ACACA: variants seen among roughly 807,000 people sequenced by gnomAD.
ACACA encodes the protein acetyl-CoA carboxylase 1.
In ACACA, 103 loss-of-function variants were observed where a neutral mutation model predicts 296.1. The ratio of observed to expected loss-of-function variants is 0.35; its 90% CI spans 0.30 to 0.41. The LOEUF is 0.41. Among genes scored for constraint, ACACA ranks in the 10% least tolerant of loss-of-function variants. The pLI is 1.00. For missense variants in ACACA, 1,554 were observed against 2,989.7 expected (o/e 0.52, Z 11.20); for synonymous variants, 953 against 1,038.6 (o/e 0.92, Z 1.58).
At position 37,098,002 on chromosome 17, in the gene ACACA, T is replaced by G; in HGVS notation, c.6566-18A>C. 1 of 1,614,174 alleles carries G rather than the reference T, an allele frequency of 6.2e-7. No homozygotes were observed. The highest frequency in any genetic ancestry group is 8.5e-7 in the Non-Finnish European group (1 of 1,180,020). On this transcript the variant is annotated intron_variant, in intron 52 of 55. Transcript: ENST00000616317. The stretch of plus-strand genomic sequence containing the variant: ...TGGGGTCCCTGCAATTAGATAAACA[T>G]GCCCGTCACACTCTGTAATGACCAG...
chr17:37,330,032 CT>C, intron 3 of ACACA, 140 bp downstream of exon 3: 3 of 1,055,700 alleles, frequency 2.8e-6, no homozygotes, highest in South Asian at 2.8e-5. Flanking sequence ...TCATTTCTGA[CT>C]TCCTCAACAA....
intron 3 of ACACA, among the ~76,000 whole-genome samples, chr17:37,304,997 G>C (rs2083804802): frequency 6.6e-6 from 1 of 152,018 alleles, no homozygotes; most frequent in South Asian, 2.1e-4. Flanking sequence ...TTTCCTTTAG[G>C]TCTTTGAACA....
At chr17:37,335,682 C>T (rs544577209) in intron 2 of ACACA, among the ~76,000 whole-genome samples, 2 of 152,094 alleles carry the variant, frequency 1.3e-5, no homozygotes, top group East Asian at 3.8e-4. Context: ...CTGGCATTGG[C>T]GGTATCACAA....
intron 1 of ACACA, among the ~76,000 whole-genome samples, chr17:37,363,275 C>A (rs2049484535): frequency 6.8e-6 from 1 of 147,784 alleles, no homozygotes; most frequent in Non-Finnish European, 1.5e-5. Flanking sequence ...CTCCACCTCC[C>A]GGGTTCAAGC....
At chr17:37,238,567 G>C (rs1041903905) in intron 24 of ACACA, among the ~76,000 whole-genome samples, 2 of 152,060 alleles carry the variant, frequency 1.3e-5, no homozygotes, top group African/African-American at 4.8e-5. Context: ...TGGTTATTGT[G>C]AGACTTGTCT....
intron 39 of ACACA, 145 bp from the exon 40 acceptor site, chr17:37,181,501 G>A (rs2077315195): frequency 2.5e-6 from 2 of 813,528 alleles, no homozygotes; most frequent in East Asian, 5.3e-5. Context: ...TTAACACTGG[G>A]TACTTGGTGC....
At position 37,179,353 on chromosome 17, in the gene ACACA, G is replaced by C; in HGVS notation, c.4986C>G (p.Pro1662=). The C allele has an allele frequency of 6.2e-7, 1 of 1,614,150 alleles. No individual in the cohort carries two copies. Among genetic ancestry groups the C allele is most frequent in the Non-Finnish European group, 8.5e-7 (1 of 1,180,016 alleles). ...SMSTQAFLPS[P]PLPSDMLTYT... is the part of the protein sequence containing the mutation. ...AAGTCAGCATGTCAGAAGGCAGAGG[G>C]GGAGATGGAAGAAATGCTTGAGTGG... The change falls in exon 41 of 56, where the codon CCC becomes CCG. Residue 1662 remains proline (P), a synonymous_variant. Coordinates refer to ENST00000616317, the MANE Select transcript of ACACA (RefSeq NM_198834.3).
At chr17:37,150,413 G>A (rs1394956571) in intron 44 of ACACA, among the ~76,000 whole-genome samples, 2 of 151,918 alleles carry the variant, frequency 1.3e-5, no homozygotes, top group South Asian at 2.1e-4. Flanking sequence ...GTCATGGCAC[G>A]TGCCTGTAAT....
At chr17:37,335,681 G>T (rs973657046) in intron 2 of ACACA, among the ~76,000 whole-genome samples, 2 of 152,006 alleles carry the variant, frequency 1.3e-5, no homozygotes, top group East Asian at 1.9e-4. Context: ...ACTGGCATTG[G>T]CGGTATCACA....
chr17:37,234,847 C>T (rs2080031662), intron 25 of ACACA, 128 bp downstream of exon 25: 4 of 1,073,926 alleles, frequency 3.7e-6, no homozygotes, highest in Non-Finnish European at 4.1e-6. Context: ...ATCCACAGCT[C>T]AAGCCCCATT....
rs902746004 is a variant in ACACA at position 37,363,179 on chromosome 17, C to CTTT, written c.39-23332_39-23330dup. 1.9e-3 allele frequency among the ~76,000 whole-genome samples: 136 copies of CTTT among 72,842 alleles called. 1 individual carries two copies. The highest frequency in any genetic ancestry group is 3.5e-3 in the African/African-American group (52 of 14,966). 47.8% of individuals were successfully genotyped at this position (72,842 alleles called of 152,430 possible). On this transcript the variant is annotated intron_variant, in intron 1 of 55. Coordinates refer to ENST00000616317, the MANE Select transcript of ACACA (RefSeq NM_198834.3). ...CTTTTTCTTTTCTCTTTCTCTTTTT[C>CTTT]TTTTTTTTTTTTTTTTTTTTTTTGA... is the stretch of plus-strand genomic sequence containing the variant.
At chr17:37,339,952 G>A in intron 1 of ACACA, 102 bp from the exon 2 acceptor site, 1 of 633,794 alleles carries the variant, frequency 1.6e-6, no homozygotes, top group Non-Finnish European at 2.8e-6. Flanking sequence ...AATATATGAA[G>A]TATCTATTTT....
At chr17:37,383,273 G>C (rs1005859170) in intron 1 of ACACA, among the ~76,000 whole-genome samples, 1 of 151,948 alleles carries the variant, frequency 6.6e-6, no homozygotes, top group Admixed American at 6.6e-5. Flanking sequence ...TTAGAAATTG[G>C]GACAAGGAAA....
At chr17:37,311,727 T>C (rs537050915) in intron 3 of ACACA, among the ~76,000 whole-genome samples, 44 of 151,630 alleles carry the variant, frequency 2.9e-4, no homozygotes, top group African/African-American at 9.7e-4. Context: ...TTCATATTAG[T>C]TGGGCATGGT....
intron 45 of ACACA, among the ~76,000 whole-genome samples, chr17:37,130,829 C>A (rs2075057108): frequency 6.6e-6 from 1 of 152,054 alleles, no homozygotes; most frequent in Non-Finnish European, 1.5e-5. Context: ...TATTTAGTGA[C>A]AAGTCTCAGT....
At chr17:37,250,930 G>A (rs1234421757) in intron 16 of ACACA, among the ~76,000 whole-genome samples, 1 of 152,110 alleles carries the variant, frequency 6.6e-6, no homozygotes, top group Non-Finnish European at 1.5e-5. Context: ...GAGAGGCTGA[G>A]GCAGGAGAAT....
chr17:37,188,273 G>C lies in ACACA; in HGVS notation c.4776+4C>G. On this transcript the variant is annotated splice_donor_region_variant and intron_variant, in intron 39 of 55. Coordinates refer to ENST00000616317, the MANE Select transcript of ACACA (RefSeq NM_198834.3). ...ACTCTGAGGAGCCTGTTTGAGTATT[G>C]TACCTGTGCTGTCCTGGAGTCAGTC... 6.2e-7 allele frequency: 1 copy of C among 1,613,566 alleles called. No homozygotes were observed. The highest frequency in any genetic ancestry group is 8.5e-7 in the Non-Finnish European group (1 of 1,179,692).
At chr17:37,322,319 C>A (rs2047393620) in intron 3 of ACACA, among the ~76,000 whole-genome samples, 1 of 152,122 alleles carries the variant, frequency 6.6e-6, no homozygotes, top group African/African-American at 2.4e-5. Flanking sequence ...ACAGATTGTT[C>A]TCAGATAAAG....
intron 1 of ACACA, among the ~76,000 whole-genome samples, chr17:37,390,175 T>TATACAC (rs60788220): frequency 0.036 from 1,595 of 44,142 alleles, 57 homozygotes; most frequent in Non-Finnish European, 0.046. Flanking sequence ...TATATATATA[T>TATACAC]ACACACACAC....
Sources: gnomAD v4.1 joint callset for allele counts (sites outside exome capture counted in the v4.1 genomes callset) on GRCh38, gnomAD v4.1.1 for gene constraint, MANE v1.5 for transcripts, NCBI Gene and HGNC (gene_info 2026-07-23, HGNC 2026-07-21) for gene names.